The following SDK1 variants were observed in gnomAD, a reference collection of about 807,000 sequenced individuals.
The protein encoded by SDK1 is sidekick cell adhesion molecule 1, also known as protein sidekick-1.
SDK1 carries 157 observed loss-of-function variants against 245.5 expected under a neutral mutation model. The observed-to-expected ratio is 0.64, with a 90% CI of 0.56 to 0.73. The LOEUF is 0.73. Ranked by LOEUF, SDK1 falls within the 30% of genes least tolerant of loss-of-function variation. The pLI, the probability that SDK1 is intolerant of heterozygous loss-of-function variation, is 0.00. For synonymous variants in SDK1, 1,647 were observed against 1,278.5 expected, an observed-to-expected ratio of 1.29 and a Z score of -6.15; for missense variants, 3,583 against 3,002.3, an observed-to-expected ratio of 1.19 and a Z score of -4.52.
chr7:4,113,497 C>T, intron 24 of SDK1, 58 bp downstream of exon 24: 9 of 1,575,598 alleles, frequency 5.7e-6, no homozygotes, highest in Non-Finnish European at 7.8e-6. Flanking sequence ...AGCCAGGGCA[C>T]ACACTAATCC....
chr7:3,643,422 T>A (rs1782715918), intron 4 of SDK1: 1 of 145,472 alleles, frequency 6.9e-6, no homozygotes. Flanking sequence ...TTGATTCTCG[T>A]CTCCTACCCC....
intron 1 of SDK1, among the ~76,000 whole-genome samples, chr7:3,441,961 T>C (rs969036164): frequency 9.2e-5 from 14 of 152,102 alleles, no homozygotes; most frequent in African/African-American, 3.4e-4. Flanking sequence ...CTTAATATGA[T>C]AGGTATGAAT....
intron 5 of SDK1, among the ~76,000 whole-genome samples, chr7:3,854,234 T>G (rs1405792912): frequency 6.6e-6 from 1 of 152,188 alleles, no homozygotes; most frequent in Non-Finnish European, 1.5e-5. Flanking sequence ...TCATCTGACT[T>G]CAGTTCATAT....
At chr7:4,004,675 TAG>T (rs1225102998) in intron 14 of SDK1, among the ~76,000 whole-genome samples, 19 of 152,210 alleles carry the variant, frequency 1.2e-4, no homozygotes, top group Middle Eastern at 3.2e-3. Flanking sequence ...TTCCTTTTGC[TAG>T]AGTGTTTTAA....
chr7:3,584,436 G>C (rs1208370050), intron 1 of SDK1, among the ~76,000 whole-genome samples: 1 of 152,080 alleles, frequency 6.6e-6, no homozygotes, highest in African/African-American at 2.4e-5. Context: ...TTCTGGACTT[G>C]GATAAAATGC....
chr7:3,595,415 G>A (rs866758940), intron 1 of SDK1, among the ~76,000 whole-genome samples: 25 of 152,034 alleles, frequency 1.6e-4, no homozygotes, highest in Middle Eastern at 3.4e-3. Context: ...TCTAATAACA[G>A]TTATCTGGAC....
chr7:3,950,483 G>A (rs914571982), intron 5 of SDK1, among the ~76,000 whole-genome samples: 1 of 152,092 alleles, frequency 6.6e-6, no homozygotes, highest in Non-Finnish European at 1.5e-5. Context: ...GACCACATTC[G>A]CATAACTTTC....
chr7:3,655,498 TATATATG>T (rs1562634441), intron 4 of SDK1, among the ~76,000 whole-genome samples: 1 of 61,138 alleles, frequency 1.6e-5, no homozygotes, highest in African/African-American at 3.8e-5. Context: ...TATATATATA[TATATATG>T]TATGTATGTA....
chr7:4,107,161 T>TGGGGAGGGG (rs1782985548), intron 22 of SDK1, among the ~76,000 whole-genome samples: 5 of 6,582 alleles, frequency 7.6e-4, no homozygotes, highest in African/African-American at 1.1e-3. Flanking sequence ...GTGGGGAGGG[T>TGGGGAGGGG]GGGGCTGCAG....
chr7:3,748,999 C>A (rs796205489), intron 4 of SDK1, among the ~76,000 whole-genome samples: 92 of 152,218 alleles, frequency 6.0e-4, no homozygotes, highest in African/African-American at 2.2e-3. Flanking sequence ...ACCAACCAAC[C>A]CAACTCACAC....
intron 5 of SDK1, among the ~76,000 whole-genome samples, chr7:3,840,161 T>C (rs1001973644): frequency 6.6e-6 from 1 of 152,042 alleles, no homozygotes; most frequent in Non-Finnish European, 1.5e-5. Flanking sequence ...TTTTATGGAG[T>C]ACCTGGGCAA....
chr7:4,072,651 G>A (rs1053956093), intron 20 of SDK1, among the ~76,000 whole-genome samples: 1 of 152,362 alleles, frequency 6.6e-6, no homozygotes, highest in African/African-American at 2.4e-5. Context: ...CTGGCTGCCG[G>A]TTTCTGGAAG....
At chr7:3,331,246 A>G (rs1366625542) in intron 1 of SDK1, among the ~76,000 whole-genome samples, 1 of 152,156 alleles carries the variant, frequency 6.6e-6, no homozygotes, top group Non-Finnish European at 1.5e-5. Context: ...TCTGGCAACA[A>G]AGCGAGACTC....
At chr7:3,856,539 C>G (rs1298976282) in intron 5 of SDK1, among the ~76,000 whole-genome samples, 3 of 150,752 alleles carry the variant, frequency 2.0e-5, no homozygotes, top group African/African-American at 7.3e-5. Flanking sequence ...GCTTGCAATC[C>G]CAGTACTTTG....
chr7:3,435,763 T>C (rs1045206866), intron 1 of SDK1, among the ~76,000 whole-genome samples: 2 of 152,160 alleles, frequency 1.3e-5, no homozygotes, highest in African/African-American at 2.4e-5. Flanking sequence ...AAGGGACATC[T>C]TGTGGCTTGT....
chr7:3,843,686 C>G (rs1422898584), intron 5 of SDK1, among the ~76,000 whole-genome samples: 2 of 152,126 alleles, frequency 1.3e-5, no homozygotes, highest in Admixed American at 6.6e-5. Context: ...AGAATGAAAG[C>G]CTGGGTCTGT....
At chr7:3,457,061 G>C (rs1780692845) in intron 1 of SDK1, among the ~76,000 whole-genome samples, 1 of 152,156 alleles carries the variant, frequency 6.6e-6, no homozygotes, top group African/African-American at 2.4e-5. Context: ...GGGGAAGGGA[G>C]TCTGGAAAGA....
At chr7:3,882,975 A>T (rs1781243831) in intron 5 of SDK1, among the ~76,000 whole-genome samples, 1 of 152,304 alleles carries the variant, frequency 6.6e-6, no homozygotes. Flanking sequence ...TCCATAGATC[A>T]GTTGAAGTGC....
At chr7:3,801,286 T>C (rs1369335547) in intron 4 of SDK1, among the ~76,000 whole-genome samples, 1 of 152,248 alleles carries the variant, frequency 6.6e-6, no homozygotes, top group Non-Finnish European at 1.5e-5. Context: ...TGAAAACTTT[T>C]CTAATATGTC....
Sources: gnomAD v4.1 joint callset for allele counts (sites outside exome capture counted in the v4.1 genomes callset) on GRCh38, gnomAD v4.1.1 for gene constraint, MANE v1.5 for transcripts, NCBI Gene and HGNC (gene_info 2026-07-23, HGNC 2026-07-21) for gene names.